The following UBE3A variants were observed in gnomAD, a reference collection of about 807,000 sequenced individuals.
The protein encoded by UBE3A is ubiquitin protein ligase E3A.
Under a neutral mutation model 83.4 loss-of-function variants are expected in UBE3A, and 6 were observed. That is an observed-to-expected ratio of 0.07 (90% CI 0.04 to 0.14). UBE3A has a LOEUF of 0.14. Ranked by LOEUF, UBE3A falls within the 10% of genes least tolerant of loss-of-function variation. UBE3A has a pLI of 1.00. For synonymous variants in UBE3A, 337 were observed against 355.4 expected (o/e 0.95, Z 0.58); for missense variants, 456 against 1,036.1 (o/e 0.44, Z 7.69).
At chr15:25,360,193 T>G (rs1317421074) in intron 7 of UBE3A, among the ~76,000 whole-genome samples, 190 bp downstream of exon 7, 7 of 152,196 alleles carry the variant, frequency 4.6e-5, no homozygotes, top group African/African-American at 1.7e-4. Context: ...ATAAAAGAAT[T>G]TGAATAAATT....
chr15:25,364,075 A>AAATAAATAAAT (rs1566926801), intron 6 of UBE3A, among the ~76,000 whole-genome samples: 2 of 60,734 alleles, frequency 3.3e-5, no homozygotes, highest in Admixed American at 1.3e-4. Context: ...AATAAATAAA[A>AAATAAATAAAT]AATAGTGGGG....
chr15:25,396,252 C>T (rs1010987772), intron 4 of UBE3A, among the ~76,000 whole-genome samples: 1 of 151,858 alleles, frequency 6.6e-6, no homozygotes, highest in East Asian at 1.9e-4. Context: ...ATTAAGAAAA[C>T]TAAGGTGTCT....
chr15:25,351,252 T>C (rs1014298433), intron 11 of UBE3A, among the ~76,000 whole-genome samples: 2 of 152,168 alleles, frequency 1.3e-5, no homozygotes, highest in Non-Finnish European at 2.9e-5. Flanking sequence ...ATAGAGTTGA[T>C]GAGAAAGAGT....
chr15:25,335,132 G>C lies in UBE3A; in HGVS notation c.*4005C>G, dbSNP rs886699298. ...TCAAGAGGAGACCCTAAGACACTCT[G>C]TAAGAATCCCAGTGACTCCTCACTG... On this transcript the variant is annotated 3_prime_UTR_variant, in exon 13 of 13. Coordinates refer to ENST00000648336, the MANE Select transcript of UBE3A (RefSeq NM_130839.5). 2.0e-5 allele frequency: 3 copies of C among 152,168 alleles called. No homozygotes were observed. The highest frequency in any genetic ancestry group is 7.2e-5 in the African/African-American group (3 of 41,424). 9.4% of individuals were successfully genotyped at this position (152,168 alleles called of 1,614,324 possible).
intron 11 of UBE3A, among the ~76,000 whole-genome samples, chr15:25,348,644 T>C (rs900749181): frequency 6.6e-6 from 1 of 152,142 alleles, no homozygotes; most frequent in Non-Finnish European, 1.5e-5. Flanking sequence ...ATAAGATCAA[T>C]ATATAAAAAT....
intron 11 of UBE3A, among the ~76,000 whole-genome samples, chr15:25,350,456 A>C (rs1293599454): frequency 6.6e-6 from 1 of 152,206 alleles, no homozygotes; most frequent in Non-Finnish European, 1.5e-5. Flanking sequence ...ACCAAAAAAA[A>C]GCAAAACTAA....
In UBE3A at chr15:25,408,234, C is replaced by G. The variant is rs2089147498; in HGVS notation, c.20+854G>C. Reference sequence around the variant, plus strand: ...ACCTTGTCTTGGAAACAAACATAAACTATGAAATATATACCACCTAGCAAC... The same window carrying G: ...ACCTTGTCTTGGAAACAAACATAAAGTATGAAATATATACCACCTAGCAAC... On this transcript the variant is annotated intron_variant, in intron 3 of 12. Transcript: ENST00000648336. The G allele has an allele frequency of 2.2e-5, 5 of 224,200 alleles. No individual in the cohort carries two copies. The South Asian group carries it at 3.5e-4, about 16-fold the overall frequency. The allele number at this position is 224,200 out of a possible 1,614,324, so 13.9% of individuals were successfully genotyped here.
At chr15:25,428,612 A>G (rs1226400085) in intron 1 of UBE3A, among the ~76,000 whole-genome samples, 1 of 152,170 alleles carries the variant, frequency 6.6e-6, no homozygotes, top group Non-Finnish European at 1.5e-5. Context: ...AAAAACATTT[A>G]TTTTTGAGAT....
At chr15:25,433,193 GT>G (rs34825571) in intron 1 of UBE3A, among the ~76,000 whole-genome samples, 2 of 140,674 alleles carry the variant, frequency 1.4e-5, no homozygotes, top group African/African-American at 2.6e-5. Context: ...TTTCTAAAAA[GT>G]TTTTTTTTTT....
rs367729121 is a variant in UBE3A at position 25,367,267 on chromosome 15, A to AAAATGTG, written c.1608+3298_1608+3299insCACATTT. Among the ~76,000 whole-genome samples, 114 of 129,056 alleles carry AAAATGTG rather than the reference A, an allele frequency of 8.8e-4. 2 individuals are homozygous for AAAATGTG. The highest frequency in any genetic ancestry group is 9.5e-4 in the Non-Finnish European group (59 of 61,954). The allele number at this position is 129,056 out of a possible 152,430, so 84.7% of individuals were successfully genotyped here. A position where few individuals can be genotyped will look rare whatever the true frequency, so the allele number is the denominator to read the frequency against. ...AATATTTGCATATTTGTAAATATGT[A>AAAATGTG]AATATTTACATATTTAAATTAAATT... On this transcript the variant is annotated intron_variant, in intron 6 of 12. Coordinates refer to ENST00000648336, the MANE Select transcript of UBE3A (RefSeq NM_130839.5).
At position 25,364,305 on chromosome 15, in the gene UBE3A, C is replaced by A. The variant is rs1161670563; in HGVS notation, c.1609-3778G>T. Among the ~76,000 whole-genome samples the A allele has an allele frequency of 3.3e-5, 5 of 152,118 alleles. No homozygotes were observed. In the East Asian group the frequency reaches 9.7e-4, roughly 29 times the overall value. ...ATTAACACATAAAATTTAGCAATAA[C>A]CATTTTGATAAAGGCCATTATTGCA... is the stretch of plus-strand genomic sequence containing the variant. On this transcript the variant is annotated intron_variant, in intron 6 of 12. Coordinates refer to ENST00000648336, the MANE Select transcript of UBE3A (RefSeq NM_130839.5).
chr15:25,366,266 T>G (rs1280253557), intron 6 of UBE3A, among the ~76,000 whole-genome samples: 1 of 152,106 alleles, frequency 6.6e-6, no homozygotes, highest in Non-Finnish European at 1.5e-5. Context: ...TAAGACAAAA[T>G]TAAACATACC....
intron 6 of UBE3A, among the ~76,000 whole-genome samples, chr15:25,369,456 T>G (rs1208506583): frequency 6.6e-6 from 1 of 151,894 alleles, no homozygotes; most frequent in Non-Finnish European, 1.5e-5. Flanking sequence ...GCTACAGCTT[T>G]ATGAATTCTC....
chr15:25,412,808 C>T (rs2090229300), intron 1 of UBE3A, among the ~76,000 whole-genome samples: 1 of 151,972 alleles, frequency 6.6e-6, no homozygotes, highest in African/African-American at 2.4e-5. Context: ...AATTAACCAA[C>T]TTTTAAGGTT....
At chr15:25,409,776 T>C (rs557435651) in intron 2 of UBE3A, among the ~76,000 whole-genome samples, 5 of 152,154 alleles carry the variant, frequency 3.3e-5, no homozygotes, top group Non-Finnish European at 7.4e-5. Flanking sequence ...CCTAAGCTGA[T>C]AGAGCAATCA....
intron 1 of UBE3A, among the ~76,000 whole-genome samples, chr15:25,428,669 G>C (rs7166201): frequency 0.97 from 147,462 of 152,270 alleles, 71,570 homozygotes; most frequent in East Asian, 1. Flanking sequence ...TTTTACCTAC[G>C]ATTCAGAATA....
At chr15:25,352,608 T>G (rs2076667578) in intron 11 of UBE3A, among the ~76,000 whole-genome samples, 1 of 152,238 alleles carries the variant, frequency 6.6e-6, no homozygotes, top group African/African-American at 2.4e-5. Flanking sequence ...GATGCAGGGT[T>G]GCCACCAAAA....
intron 11 of UBE3A, among the ~76,000 whole-genome samples, chr15:25,343,846 AC>A (rs1273037097): frequency 1.3e-5 from 2 of 152,216 alleles, no homozygotes; most frequent in Non-Finnish European, 2.9e-5. Flanking sequence ...AAACAGCTCT[AC>A]AAGAAAAAAT....
chr15:25,346,965 C>G (rs996884174), intron 11 of UBE3A: 1 of 152,144 alleles, frequency 6.6e-6, no homozygotes, highest in African/African-American at 2.4e-5. Flanking sequence ...GCAAAAGACA[C>G]AAACTTACAG....
Sources: gnomAD v4.1 joint callset for allele counts (sites outside exome capture counted in the v4.1 genomes callset) on GRCh38, gnomAD v4.1.1 for gene constraint, MANE v1.5 for transcripts, NCBI Gene and HGNC (gene_info 2026-07-23, HGNC 2026-07-21) for gene names.